The following UNK variants were observed in gnomAD, a reference collection of about 807,000 sequenced individuals.
UNK encodes the protein RING finger protein unkempt homolog.
Under a neutral mutation model 97.6 loss-of-function variants are expected in UNK, and 32 were observed. The ratio of observed to expected loss-of-function variants is 0.33; its 90% CI spans 0.25 to 0.44. UNK has a LOEUF of 0.44. Among genes scored for constraint, UNK ranks in the 20% least tolerant of loss-of-function variants. The pLI is 1.00. For missense variants in UNK, 771 were observed against 1,098.4 expected, an observed-to-expected ratio of 0.70 and a Z score of 4.21; for synonymous variants, 441 against 461.2, an observed-to-expected ratio of 0.96 and a Z score of 0.56.
intron 1 of UNK, among the ~76,000 whole-genome samples, chr17:75,799,671 ACAGT>A (rs1406552677): frequency 6.6e-6 from 1 of 152,178 alleles, no homozygotes; most frequent in African/African-American, 2.4e-5. Context: ...AGTGTACAAA[ACAGT>A]CAGAATCCAC....
At chr17:75,805,844 GTATAA>G (rs2061909316) in intron 1 of UNK, among the ~76,000 whole-genome samples, 2 of 147,788 alleles carry the variant, frequency 1.4e-5, no homozygotes, top group African/African-American at 5.0e-5. Context: ...GTGTGTGTGT[GTATAA>G]TATATATGTA....
At position 75,819,895 on chromosome 17, in the gene UNK, C is replaced by T. The variant is rs370893231; in HGVS notation, c.1649-25C>T. On this transcript the variant is annotated intron_variant, in intron 12 of 15. Coordinates refer to ENST00000589666, the MANE Select transcript of UNK (RefSeq NM_001080419.3). This position sits in a 1 kb window ranked among gnomAD's most constrained non-coding sequence, Gnocchi z 5.4. ...TGGCTTCCGCTGCCCTCACCCAGCC[C>T]GTCCTCCCCGGGCCTCTCTTGCAGG... 8 of 1,601,892 alleles carry T rather than the reference C, an allele frequency of 5.0e-6. No individual in the cohort carries two copies. Among genetic ancestry groups the T allele is most frequent in the South Asian group, 2.2e-5 (2 of 90,034 alleles).
intron 6 of UNK, among the ~76,000 whole-genome samples, chr17:75,814,364 C>T (rs1200747190): frequency 2.0e-5 from 3 of 151,746 alleles, no homozygotes; most frequent in South Asian, 2.1e-4. Flanking sequence ...TGGTGGTGAG[C>T]GCCTGTAACC....
At chr17:75,813,037 G>GCTCCT in intron 4 of UNK, 41 bp from the exon 5 acceptor site, 1 of 1,546,250 alleles carries the variant, frequency 6.5e-7, no homozygotes, top group Non-Finnish European at 8.8e-7. Context: ...GGGTGCTCCA[G>GCTCCT]CTCCTCTCAC....
chr17:75,811,815 C>T (rs1048147613), intron 2 of UNK, among the ~76,000 whole-genome samples: 4 of 152,162 alleles, frequency 2.6e-5, no homozygotes, highest in Middle Eastern at 3.4e-3. Flanking sequence ...GGTGAAACCC[C>T]GTCTCTACTA....
chr17:75,817,903 GGGA>G lies in UNK; in HGVS notation c.1306-195_1306-193del, dbSNP rs1442567647. On this transcript the variant is annotated intron_variant, in intron 9 of 15. Coordinates refer to ENST00000589666, the MANE Select transcript of UNK (RefSeq NM_001080419.3). The surrounding 1 kb of genome is among the most constrained non-coding windows in gnomAD (Gnocchi z 5.8). ...GGCTTACATGAGGCCTAGTGTCACC[GGGA>G]GGAGAAGGGCAGCTCCCTGCTTAGG... 1.3e-5 allele frequency among the ~76,000 whole-genome samples: 2 copies of G among 152,082 alleles called. No homozygotes were observed. Among genetic ancestry groups the G allele is most frequent in the Admixed American group, 6.6e-5 (1 of 15,266 alleles).
chr17:75,799,353 C>T (rs1303222923), intron 1 of UNK, among the ~76,000 whole-genome samples: 2 of 152,114 alleles, frequency 1.3e-5, no homozygotes, highest in African/African-American at 4.8e-5. Context: ...GCACCAATGA[C>T]AAAAGAGCCA....
chr17:75,806,525 G>A (rs1013546568), intron 1 of UNK, among the ~76,000 whole-genome samples: 3 of 151,708 alleles, frequency 2.0e-5, no homozygotes, highest in Non-Finnish European at 2.9e-5. Flanking sequence ...TGTAATCCCA[G>A]CACTTTGGGA....
Position 75,818,626 on chromosome 17 carries a change from C to A in UNK, c.1372-16C>A. The A allele has an allele frequency of 6.3e-7, 1 of 1,578,506 alleles. No homozygotes were observed. Among genetic ancestry groups the A allele is most frequent in the Non-Finnish European group, 8.6e-7 (1 of 1,159,532 alleles). ...CAGGCCTACCATTGCTTCTCCTCTT[C>A]CCTCTCTCGTTGCAGGACATGCTGG... On this transcript the variant is annotated splice_polypyrimidine_tract_variant and intron_variant, in intron 10 of 15. Coordinates refer to ENST00000589666, the MANE Select transcript of UNK (RefSeq NM_001080419.3). The surrounding 1 kb of genome is among the most constrained non-coding windows in gnomAD (Gnocchi z 5.1).
chr17:75,785,007 C>CCG, intron 1 of UNK, 23 bp downstream of exon 1: 1 of 1,225,430 alleles, frequency 8.2e-7, no homozygotes. Flanking sequence ...CCCCCCCCCC[C>CCG]GCCGCGCGCG....
chr17:75,792,279 T>G (rs137872280), intron 1 of UNK: 77 of 981,004 alleles, frequency 7.8e-5, no homozygotes, highest in Middle Eastern at 1.0e-3. Context: ...ATGATTAAGT[T>G]TTTTTGTTTT....
chr17:75,819,484 G>A lies in UNK; in HGVS notation c.1547-200G>A, dbSNP rs1332624538. 1 of 595,058 alleles carries A rather than the reference G, an allele frequency of 1.7e-6. No homozygotes were observed. Among genetic ancestry groups the A allele is most frequent in the Admixed American group, 3.0e-5 (1 of 33,690 alleles). The allele number at this position is 595,058 out of a possible 1,614,324, so 36.9% of individuals were successfully genotyped here. ...AAGATTCAGAAAGGAGAGGCATTTG[G>A]GTTGGACATGACTGGCAGACGGTGT... On this transcript the variant is annotated intron_variant, in intron 11 of 15. Coordinates refer to ENST00000589666, the MANE Select transcript of UNK (RefSeq NM_001080419.3). The surrounding 1 kb of genome is among the most constrained non-coding windows in gnomAD (Gnocchi z 5.4).
At chr17:75,809,331 C>T (rs2061947356) in intron 1 of UNK, among the ~76,000 whole-genome samples, 1 of 152,248 alleles carries the variant, frequency 6.6e-6, no homozygotes, top group Admixed American at 6.5e-5. Context: ...GCTCATGGTA[C>T]AGGCAAGGCC....
intron 6 of UNK, among the ~76,000 whole-genome samples, chr17:75,814,489 C>CAAAAAA (rs59234903): frequency 1.7e-3 from 119 of 69,690 alleles, no homozygotes; most frequent in Admixed American, 1.6e-3. Flanking sequence ...GAGACTCCAT[C>CAAAAAA]AAAAAAAAAA....
At chr17:75,791,880 C>A (rs562169495) in intron 1 of UNK, 1 of 985,362 alleles carries the variant, frequency 1.0e-6, no homozygotes, top group Non-Finnish European at 1.2e-6. Context: ...ACTCTGAGAG[C>A]AACTTAGAGA....
At chr17:75,806,320 G>A (rs992095345) in intron 1 of UNK, among the ~76,000 whole-genome samples, 7 of 151,768 alleles carry the variant, frequency 4.6e-5, no homozygotes, top group South Asian at 4.1e-4. Flanking sequence ...TTAGCCAGGC[G>A]TGGTAGCATG....
chr17:75,817,169 C>T lies in UNK; in HGVS notation c.1105-157C>T, dbSNP rs8074216. Among the ~76,000 whole-genome samples, 29,273 of 152,236 alleles carry T rather than the reference C, an allele frequency of 0.19. 3,156 individuals are homozygous for T. The highest frequency in any genetic ancestry group is 0.28 in the African/African-American group (11,627 of 41,550). ...AGCCTGAGGTCACTCCCCTTTCCTTCGTGAGCTTCGGGCTCCCCGAGTGGT... is the reference window on the plus strand; with the variant it reads ...AGCCTGAGGTCACTCCCCTTTCCTTTGTGAGCTTCGGGCTCCCCGAGTGGT... On this transcript the variant is annotated intron_variant, in intron 8 of 15. Coordinates refer to ENST00000589666, the MANE Select transcript of UNK (RefSeq NM_001080419.3). The surrounding 1 kb of genome is among the most constrained non-coding windows in gnomAD (Gnocchi z 5.8).
intron 1 of UNK, among the ~76,000 whole-genome samples, chr17:75,799,966 A>G (rs372850572): frequency 3.0e-4 from 46 of 152,136 alleles, no homozygotes; most frequent in African/African-American, 5.5e-4. Flanking sequence ...CAAAAAGGGG[A>G]AAAAAAAGAC....
intron 4 of UNK, 100 bp downstream of exon 4, chr17:75,812,685 GC>G: frequency 6.7e-7 from 1 of 1,483,656 alleles, no homozygotes; most frequent in Non-Finnish European, 9.0e-7. Context: ...TCTAGCCGAG[GC>G]CCCGACCTGG....
Sources: allele counts gnomAD v4.1 joint callset (sites outside exome capture counted in the v4.1 genomes callset), GRCh38; gene constraint gnomAD v4.1.1; non-coding constraint Gnocchi (gnomAD v3.1); transcripts MANE v1.5; gene names NCBI Gene and HGNC (gene_info 2026-07-23, HGNC 2026-07-21).